Variants in LSR observed in about 807,000 individuals in gnomAD.
LSR encodes the protein lipolysis-stimulated lipoprotein receptor.
Under a neutral mutation model 61.8 loss-of-function variants are expected in LSR, and 44 were observed. That is an observed-to-expected ratio of 0.71 (90% confidence interval 0.56 to 0.91). The LOEUF is 0.91. Among genes scored for constraint, LSR ranks in the 40% least tolerant of loss-of-function variants. The probability of loss-of-function intolerance (pLI) is 0.00; values close to 1 mark genes in which losing one functional copy is unlikely to be tolerated. For missense variants in LSR, 911 were observed against 830.5 expected (o/e 1.10, Z -1.19); for synonymous variants, 397 against 350.6 (o/e 1.13, Z -1.48).
At position 35,258,890 on chromosome 19, in the gene LSR, G is replaced by C. The variant is rs2065888744; in HGVS notation, c.455-55G>C. The C allele has an allele frequency of 2.5e-6, 4 of 1,610,644 alleles. No individual in the cohort carries two copies. In the South Asian group the frequency reaches 4.4e-5, roughly 18 times the overall value. ...CTGGGAAGGGGTCTTTGGCCCTCCA[G>C]GGGTTAGGTGCCCCAGCCTCCAAGG... On this transcript the variant is annotated intron_variant, in intron 2 of 9. Coordinates refer to ENST00000605618, the MANE Select transcript of LSR (RefSeq NM_205834.4).
chr19:35,259,851 G>A (rs796357003), intron 3 of LSR, among the ~76,000 whole-genome samples: 110 of 152,350 alleles, frequency 7.2e-4, no homozygotes, highest in African/African-American at 2.6e-3. Context: ...AAACGAAGCC[G>A]ATTCCAGACA....
intron 2 of LSR, among the ~76,000 whole-genome samples, chr19:35,251,092 G>A (rs1310395418): frequency 6.6e-6 from 1 of 152,128 alleles, no homozygotes; most frequent in East Asian, 1.9e-4. Flanking sequence ...CCTAAAGGGA[G>A]CGATTCTATT....
chr19:35,254,154 T>A (rs1308450577), intron 2 of LSR, among the ~76,000 whole-genome samples: 1 of 152,134 alleles, frequency 6.6e-6, no homozygotes, highest in Non-Finnish European at 1.5e-5. Context: ...AGTGCAGTGG[T>A]GCAATCTCAG....
chr19:35,262,013 C>G (rs1001614158), intron 4 of LSR, 32 bp downstream of exon 4: 9 of 1,515,808 alleles, frequency 5.9e-6, no homozygotes, highest in Non-Finnish European at 7.9e-6. Flanking sequence ...TTGGGCTTCT[C>G]GGGAGCTCCC....
chr19:35,254,524 G>C (rs1319311073), intron 2 of LSR, among the ~76,000 whole-genome samples: 1 of 152,218 alleles, frequency 6.6e-6, no homozygotes, highest in Non-Finnish European at 1.5e-5. Context: ...CCAGCACCTG[G>C]ACAGGAGGCC....
At chr19:35,249,405 G>A (rs1317482608) in intron 1 of LSR, 2 of 471,664 alleles carry the variant, frequency 4.2e-6, no homozygotes, top group Non-Finnish European at 7.4e-6. Context: ...GGAACTCTTT[G>A]TGGGGAGGGA....
intron 3 of LSR, among the ~76,000 whole-genome samples, chr19:35,260,393 G>A (rs928507233): frequency 1.4e-5 from 2 of 145,414 alleles, no homozygotes; most frequent in Non-Finnish European, 3.0e-5. Flanking sequence ...CTGGGTTCAC[G>A]CCATTCTCCT....
chr19:35,266,320 TGC>T, intron 5 of LSR, 37 bp from the exon 6 acceptor site: 1 of 1,523,308 alleles, frequency 6.6e-7, no homozygotes, highest in Non-Finnish European at 8.9e-7. Flanking sequence ...GCCTGGCTCC[TGC>T]CTCATCCCCC....
chr19:35,256,072 A>G (rs2065852804), intron 2 of LSR, among the ~76,000 whole-genome samples: 1 of 152,142 alleles, frequency 6.6e-6, no homozygotes, highest in South Asian at 2.1e-4. Flanking sequence ...TGTCTCTACT[A>G]AAAATACAAA....
In LSR at chr19:35,267,099, T is replaced by G. The variant is rs1269506523; in HGVS notation, c.1145-10T>G. ...CCTCCAGCAGTCAGTGACACCCCCC[T>G]TCCCTGCAGCCATGAGTGAAGTCAC... On this transcript the variant is annotated splice_polypyrimidine_tract_variant and intron_variant, in intron 8 of 9. Transcript: ENST00000605618. 6.6e-7 allele frequency: 1 copy of G among 1,525,716 alleles called. No homozygotes were observed. The highest frequency in any genetic ancestry group is 2.3e-5 in the East Asian group (1 of 44,162). The allele number at this position is 1,525,716 out of a possible 1,614,324, so 94.5% of individuals were successfully genotyped here.
intron 2 of LSR, among the ~76,000 whole-genome samples, chr19:35,253,950 G>T (rs922859033): frequency 6.6e-6 from 1 of 152,088 alleles, no homozygotes; most frequent in Non-Finnish European, 1.5e-5. Context: ...CCCCACCTGG[G>T]CCTGTGTTTG....
At chr19:35,261,341 C>A (rs1471102167) in intron 3 of LSR, among the ~76,000 whole-genome samples, 2 of 152,158 alleles carry the variant, frequency 1.3e-5, no homozygotes. Context: ...AGAGTTTATT[C>A]CTGTATATTG....
At chr19:35,254,243 A>G (rs2065829965) in intron 2 of LSR, among the ~76,000 whole-genome samples, 1 of 152,074 alleles carries the variant, frequency 6.6e-6, no homozygotes, top group Non-Finnish European at 1.5e-5. Context: ...ACAGGTGCAC[A>G]CCACCACACC....
At chr19:35,250,835 C>T (rs2065784756) in intron 2 of LSR, among the ~76,000 whole-genome samples, 176 bp downstream of exon 2, 2 of 146,930 alleles carry the variant, frequency 1.4e-5, no homozygotes, top group South Asian at 4.3e-4. Context: ...TTGCTCTGGA[C>T]TCCAGGCTGG....
In LSR at chr19:35,261,583, C is replaced by T. The variant is rs1420644989; in HGVS notation, c.575-342C>T. Among the ~76,000 whole-genome samples the T allele has an allele frequency of 3.9e-5, 6 of 152,170 alleles. No homozygotes were observed. In the East Asian group the frequency reaches 1.2e-3, roughly 29 times the overall value. On this transcript the variant is annotated intron_variant, in intron 3 of 9. Coordinates refer to ENST00000605618, the MANE Select transcript of LSR (RefSeq NM_205834.4). ...GGTCCCTGTGCCTGCTGGAACAGGA[C>T]ATCCCTATCACCGTGGTTGGAGCCC...
At chr19:35,253,020 T>C (rs761451794) in intron 2 of LSR, among the ~76,000 whole-genome samples, 4 of 117,354 alleles carry the variant, frequency 3.4e-5, no homozygotes, top group Non-Finnish European at 7.8e-5. Flanking sequence ...GACCCTGTCT[T>C]GAAATGAAAA....
At chr19:35,262,726 G>A in intron 5 of LSR, 34 bp downstream of exon 5, 1 of 1,602,958 alleles carries the variant, frequency 6.2e-7, no homozygotes. Flanking sequence ...CCTGGTTTGG[G>A]CAACATCCTG....
At chr19:35,263,360 A>G (rs1485520765) in intron 5 of LSR, among the ~76,000 whole-genome samples, 1 of 152,116 alleles carries the variant, frequency 6.6e-6, no homozygotes, top group Non-Finnish European at 1.5e-5. Context: ...ATTTAAGCAA[A>G]AAAAATTTTT....
chr19:35,250,033 G>A (rs947380782), intron 1 of LSR, among the ~76,000 whole-genome samples: 5 of 152,136 alleles, frequency 3.3e-5, no homozygotes, highest in Admixed American at 6.5e-5. Flanking sequence ...GGGAAGAGGG[G>A]ACTGGTGTGG....
Sources: gnomAD v4.1 joint callset for allele counts (sites outside exome capture counted in the v4.1 genomes callset) on GRCh38, gnomAD v4.1.1 for gene constraint, MANE v1.5 for transcripts, NCBI Gene and HGNC (gene_info 2026-07-23, HGNC 2026-07-21) for gene names.